CSMD1: variants seen among roughly 807,000 people sequenced by gnomAD.
The protein encoded by CSMD1 is CUB and sushi domain-containing protein 1.
Under a neutral mutation model 417.5 loss-of-function variants are expected in CSMD1, and 213 were observed. That is an observed-to-expected ratio of 0.51 (90% CI 0.46 to 0.57). The LOEUF (loss-of-function observed/expected upper bound fraction) is 0.57. CSMD1 is among the 20% of genes least tolerant of loss of function. The pLI, the probability that CSMD1 is intolerant of heterozygous loss-of-function variation, is 0.00. For synonymous variants in CSMD1, 2,862 were observed against 1,736.8 expected (o/e 1.65, Z -16.11); for missense variants, 6,923 against 4,529.7 (o/e 1.53, Z -15.17).
At chr8:3,680,086 A>G (rs1356294239) in intron 7 of CSMD1, among the ~76,000 whole-genome samples, 1 of 152,190 alleles carries the variant, frequency 6.6e-6, no homozygotes, top group Non-Finnish European at 1.5e-5. Flanking sequence ...GAAAGCAGGA[A>G]AGACCTATAA....
intron 5 of CSMD1, among the ~76,000 whole-genome samples, chr8:3,764,316 C>T (rs1471098251): frequency 6.6e-6 from 1 of 152,192 alleles, no homozygotes; most frequent in African/African-American, 2.4e-5. Context: ...TAGGGAAACT[C>T]TCCTGAGTGT....
chr8:4,914,305 G>T (rs563675635), intron 1 of CSMD1, among the ~76,000 whole-genome samples: 2 of 152,092 alleles, frequency 1.3e-5, no homozygotes, highest in African/African-American at 4.8e-5. Flanking sequence ...GGCCGGGTGC[G>T]GTGGCTCACA....
At chr8:3,477,852 T>A (rs1448930452) in intron 11 of CSMD1, among the ~76,000 whole-genome samples, 3 of 152,100 alleles carry the variant, frequency 2.0e-5, no homozygotes, top group African/African-American at 7.2e-5. Flanking sequence ...TAGTTACAGA[T>A]TCCATGTTTA....
intron 2 of CSMD1, among the ~76,000 whole-genome samples, chr8:4,455,799 C>CA (rs1005443718): frequency 6.6e-6 from 1 of 151,038 alleles, no homozygotes; most frequent in Non-Finnish European, 1.5e-5. Flanking sequence ...GATGTGGTGG[C>CA]ATGTGCCTGG....
intron 1 of CSMD1, among the ~76,000 whole-genome samples, chr8:4,744,883 T>C (rs1357224241): frequency 6.6e-6 from 1 of 152,178 alleles, no homozygotes; most frequent in African/African-American, 2.4e-5. Flanking sequence ...AACTGAATTT[T>C]TTCACCATAA....
At chr8:3,899,122 G>A (rs10097499) in intron 5 of CSMD1, among the ~76,000 whole-genome samples, 78,894 of 152,004 alleles carry the variant, frequency 0.52, 23,214 homozygotes, top group Admixed American at 0.66. Flanking sequence ...ACTGACTGGC[G>A]CCATGTTAGG....
At chr8:4,103,881 A>C (rs1232096209) in intron 3 of CSMD1, among the ~76,000 whole-genome samples, 1 of 152,184 alleles carries the variant, frequency 6.6e-6, no homozygotes, top group Non-Finnish European at 1.5e-5. Context: ...TCTTGCAGTT[A>C]ATATTTGTTC....
chr8:4,597,215 G>A (rs992673018), intron 2 of CSMD1, among the ~76,000 whole-genome samples: 1 of 152,066 alleles, frequency 6.6e-6, no homozygotes, highest in African/African-American at 2.4e-5. Context: ...ATAATAAAGT[G>A]TGTAATTTCT....
chr8:3,931,480 T>C (rs543230498), intron 5 of CSMD1, among the ~76,000 whole-genome samples: 1 of 150,230 alleles, frequency 6.7e-6, no homozygotes, highest in Non-Finnish European at 1.5e-5. Flanking sequence ...GATTGGAGCA[T>C]TTTTAAAAGG....
intron 1 of CSMD1, among the ~76,000 whole-genome samples, chr8:4,649,448 G>C (rs890353353): frequency 1.3e-5 from 2 of 152,172 alleles, no homozygotes; most frequent in Non-Finnish European, 2.9e-5. Flanking sequence ...GAGCTTGAGT[G>C]ATTTTTTCCA....
intron 5 of CSMD1, among the ~76,000 whole-genome samples, chr8:3,990,820 A>T (rs994910727): frequency 6.6e-6 from 1 of 152,102 alleles, no homozygotes; most frequent in East Asian, 1.9e-4. Flanking sequence ...TTCCTAGGGT[A>T]TACGCTCCTG....
At chr8:4,277,753 T>G (rs1796567044) in intron 3 of CSMD1, among the ~76,000 whole-genome samples, 1 of 152,152 alleles carries the variant, frequency 6.6e-6, no homozygotes, top group East Asian at 1.9e-4. Flanking sequence ...GTATTTTTAT[T>G]TTTGTTTTTT....
chr8:4,568,741 T>C (rs928963880), intron 2 of CSMD1, among the ~76,000 whole-genome samples: 2 of 152,174 alleles, frequency 1.3e-5, no homozygotes, highest in Admixed American at 6.5e-5. Flanking sequence ...CCACCAACAG[T>C]GTAAAAGCGC....
intron 39 of CSMD1, among the ~76,000 whole-genome samples, chr8:3,156,247 T>C (rs528139580): frequency 2.0e-5 from 3 of 152,176 alleles, no homozygotes; most frequent in Non-Finnish European, 4.4e-5. Flanking sequence ...ATAAATGGGT[T>C]CTGAGCACAC....
At chr8:3,843,805 C>A (rs116316354) in intron 5 of CSMD1, among the ~76,000 whole-genome samples, 25 of 152,264 alleles carry the variant, frequency 1.6e-4, no homozygotes, top group Middle Eastern at 6.8e-3. Flanking sequence ...GAAAGTAATA[C>A]TTCCAAGGCT....
intron 5 of CSMD1, among the ~76,000 whole-genome samples, chr8:3,980,765 G>A (rs1653712699): frequency 6.6e-6 from 1 of 152,258 alleles, no homozygotes; most frequent in African/African-American, 2.4e-5. Flanking sequence ...CATTTCTGCT[G>A]CAGGCGACAT....
chr8:4,253,050 C>T (rs541971111), intron 3 of CSMD1, among the ~76,000 whole-genome samples: 3 of 152,314 alleles, frequency 2.0e-5, no homozygotes, highest in South Asian at 4.1e-4. Flanking sequence ...GTGCCAACGT[C>T]TTACGATGAG....
chr8:4,117,657 G>A (rs1401429520), intron 3 of CSMD1, among the ~76,000 whole-genome samples: 1 of 152,120 alleles, frequency 6.6e-6, no homozygotes, highest in Non-Finnish European at 1.5e-5. Context: ...GCACTTCTGG[G>A]TGCCAAATAG....
chr8:4,790,591 G>C (rs751557038), intron 1 of CSMD1, among the ~76,000 whole-genome samples: 6 of 152,122 alleles, frequency 3.9e-5, no homozygotes, highest in Non-Finnish European at 8.8e-5. Context: ...ATACAACCAA[G>C]CTACAGTAAC....
Sources: gnomAD v4.1 joint callset for allele counts (sites outside exome capture counted in the v4.1 genomes callset) on GRCh38, gnomAD v4.1.1 for gene constraint, MANE v1.5 for transcripts, NCBI Gene and HGNC (gene_info 2026-07-23, HGNC 2026-07-21) for gene names.